The following RPTOR variants were observed in gnomAD, a reference collection of about 807,000 sequenced individuals.
The protein encoded by RPTOR is regulatory-associated protein of mTOR.
RPTOR carries 21 observed loss-of-function variants against 169.9 expected under a neutral mutation model. The observed-to-expected ratio is 0.12, with a 90% CI of 0.09 to 0.18. The LOEUF is 0.18. Among genes scored for constraint, RPTOR ranks in the 10% least tolerant of loss-of-function variants. The probability of loss-of-function intolerance (pLI) is 1.00; values close to 1 mark genes in which losing one functional copy is unlikely to be tolerated. For synonymous variants in RPTOR, 732 were observed against 753.2 expected, an observed-to-expected ratio of 0.97 and a Z score of 0.46; for missense variants, 1,133 against 1,855.9, an observed-to-expected ratio of 0.61 and a Z score of 7.16.
intron 3 of RPTOR, among the ~76,000 whole-genome samples, chr17:80,647,725 G>C (rs555578291): frequency 6.6e-6 from 1 of 152,286 alleles, no homozygotes; most frequent in South Asian, 2.1e-4. Context: ...GGGAGGAGGC[G>C]GAAGGCGCTC....
chr17:80,774,689 G>A (rs1035587406), intron 6 of RPTOR, among the ~76,000 whole-genome samples: 14 of 152,214 alleles, frequency 9.2e-5, no homozygotes, highest in African/African-American at 3.1e-4. Context: ...ACTTTACAGA[G>A]CTTTCGGCAG....
At chr17:80,735,721 A>G (rs2066428490) in intron 5 of RPTOR, among the ~76,000 whole-genome samples, 1 of 152,036 alleles carries the variant, frequency 6.6e-6, no homozygotes, top group Admixed American at 6.5e-5. Context: ...CTGGGACAGC[A>G]CGGGCTCCAC....
rs895754279 is a variant in RPTOR, at chr17:80,945,364, G to A, written c.3026-303G>A. ...TCCCAGCACTTTGGGAGGCCGAGGCGGGCAGATCACAAGGTCAGGAGATCA... is the reference window on the plus strand; with the variant it reads ...TCCCAGCACTTTGGGAGGCCGAGGCAGGCAGATCACAAGGTCAGGAGATCA... On this transcript the variant is annotated intron_variant, in intron 25 of 33. Coordinates refer to ENST00000306801, the MANE Select transcript of RPTOR (RefSeq NM_020761.3). Among the ~76,000 whole-genome samples, 11 of 152,122 alleles carry A rather than the reference G, an allele frequency of 7.2e-5. 1 individual carries two copies. The East Asian group carries it at 7.8e-4, about 11-fold the overall frequency.
At chr17:80,623,054 C>T (rs1263767714) in intron 1 of RPTOR, among the ~76,000 whole-genome samples, 3 of 152,152 alleles carry the variant, frequency 2.0e-5, no homozygotes, top group Non-Finnish European at 1.5e-5. Flanking sequence ...AAAGATTGTA[C>T]TTAAAATCAG....
At chr17:80,802,308 C>T (rs59189552) in intron 7 of RPTOR, 33,721 of 152,176 alleles carry the variant, frequency 0.22, 4,131 homozygotes, top group African/African-American at 0.32. Context: ...CTAAAGAAAA[C>T]GTGGGCTGGG....
intron 1 of RPTOR, among the ~76,000 whole-genome samples, chr17:80,585,971 G>A (rs2065057301): frequency 6.6e-6 from 1 of 151,612 alleles, no homozygotes; most frequent in Admixed American, 6.6e-5. Context: ...ATTAAATATT[G>A]TTCCGAGGTC....
intron 7 of RPTOR, among the ~76,000 whole-genome samples, chr17:80,816,752 A>G (rs1257034668): frequency 2.0e-5 from 3 of 152,186 alleles, no homozygotes; most frequent in African/African-American, 4.8e-5. Flanking sequence ...CAGCTTTCGC[A>G]TGGCAGGTAA....
intron 3 of RPTOR, among the ~76,000 whole-genome samples, chr17:80,671,352 C>T (rs1028019712): frequency 1.3e-5 from 2 of 152,174 alleles, no homozygotes; most frequent in African/African-American, 2.4e-5. Context: ...TGAAGCATCT[C>T]GGTTAAATCA....
intron 5 of RPTOR, among the ~76,000 whole-genome samples, chr17:80,742,677 C>T (rs9913709): frequency 0.69 from 104,490 of 151,304 alleles, 37,545 homozygotes; most frequent in African/African-American, 0.89. Context: ...ACACATACAG[C>T]CATATACACA....
At chr17:80,699,467 A>G (rs1229909831) in intron 3 of RPTOR, among the ~76,000 whole-genome samples, 37 of 133,368 alleles carry the variant, frequency 2.8e-4, no homozygotes, top group Admixed American at 7.4e-4. Context: ...TATGCACGGT[A>G]CCCTGGTGCA....
intron 7 of RPTOR, among the ~76,000 whole-genome samples, chr17:80,804,023 A>G (rs1733714394): frequency 1.3e-5 from 2 of 152,236 alleles, no homozygotes; most frequent in African/African-American, 4.8e-5. Flanking sequence ...AGTATTTATA[A>G]TTAACACCGC....
At chr17:80,954,954 A>G (rs1472112514) in intron 28 of RPTOR, among the ~76,000 whole-genome samples, 1 of 152,166 alleles carries the variant, frequency 6.6e-6, no homozygotes, top group Non-Finnish European at 1.5e-5. Flanking sequence ...AATCATAGAC[A>G]ACGGGAATAA....
chr17:80,713,075 G>A (rs1392457548), intron 4 of RPTOR, among the ~76,000 whole-genome samples: 1 of 151,906 alleles, frequency 6.6e-6, no homozygotes, highest in African/African-American at 2.4e-5. Context: ...TTTTGTTTTT[G>A]TTTTTGTTTT....
intron 11 of RPTOR, among the ~76,000 whole-genome samples, chr17:80,854,758 G>A (rs959195326): frequency 1.3e-5 from 2 of 152,180 alleles, no homozygotes; most frequent in African/African-American, 2.4e-5. Flanking sequence ...ACCAGGCATG[G>A]TGGTACATAC....
chr17:80,720,751 C>T (rs879312621), intron 4 of RPTOR, among the ~76,000 whole-genome samples: 2 of 152,194 alleles, frequency 1.3e-5, no homozygotes, highest in Non-Finnish European at 2.9e-5. Flanking sequence ...CTCACGGAGC[C>T]ACAGACTGCC....
intron 7 of RPTOR, among the ~76,000 whole-genome samples, chr17:80,817,348 C>T (rs986359597): frequency 6.6e-6 from 1 of 152,146 alleles, no homozygotes; most frequent in African/African-American, 2.4e-5. Flanking sequence ...CTCACAGCCC[C>T]TTGTCCTTGT....
intron 24 of RPTOR, among the ~76,000 whole-genome samples, chr17:80,931,003 T>C (rs776225386): frequency 1.3e-5 from 2 of 152,212 alleles, no homozygotes; most frequent in Non-Finnish European, 2.9e-5. Flanking sequence ...TTCAGTGTTG[T>C]TTAAATTAAA....
intron 21 of RPTOR, among the ~76,000 whole-genome samples, chr17:80,914,073 A>C (rs1009870074): frequency 2.0e-5 from 3 of 152,272 alleles, no homozygotes; most frequent in African/African-American, 7.2e-5. Context: ...GGACTCATGC[A>C]TGCAGACGGA....
At chr17:80,575,826 G>C (rs1485594938) in intron 1 of RPTOR, among the ~76,000 whole-genome samples, 1 of 152,102 alleles carries the variant, frequency 6.6e-6, no homozygotes. Context: ...CACCATCATT[G>C]TAAATATGTC....
Sources: gnomAD v4.1 joint callset for allele counts (sites outside exome capture counted in the v4.1 genomes callset) on GRCh38, gnomAD v4.1.1 for gene constraint, MANE v1.5 for transcripts, NCBI Gene and HGNC (gene_info 2026-07-23, HGNC 2026-07-21) for gene names.